KYNU: variants seen among roughly 807,000 people sequenced by gnomAD.
KYNU encodes L-kynurenine hydrolase.
In KYNU, 54 loss-of-function variants were observed where a neutral mutation model predicts 59.2. That is an observed-to-expected ratio of 0.91 (90% CI 0.73 to 1.14). The LOEUF (loss-of-function observed/expected upper bound fraction) is 1.14. KYNU is among the 50% of genes most tolerant of loss of function. The pLI, the probability that KYNU is intolerant of heterozygous loss-of-function variation, is 0.00. For synonymous variants in KYNU, 177 were observed against 192.0 expected (o/e 0.92, Z 0.65); for missense variants, 567 against 554.4 (o/e 1.02, Z -0.23).
chr2:142,977,391 A>ATATAT (rs1553484710), intron 8 of KYNU, among the ~76,000 whole-genome samples: 1 of 150,590 alleles, frequency 6.6e-6, no homozygotes, highest in Non-Finnish European at 1.5e-5. Flanking sequence ...ATATATGAAT[A>ATATAT]ATCATATTCA....
rs543305682 is a variant in KYNU, at chr2:143,035,654, G to A, written c.1041+2333G>A. 1.3e-3 allele frequency among the ~76,000 whole-genome samples: 192 copies of A among 152,246 alleles called. 1 individual carries two copies. Among genetic ancestry groups the A allele is most frequent in the Non-Finnish European group, 1.6e-3 (112 of 68,004 alleles). On this transcript the variant is annotated intron_variant, in intron 12 of 13. Coordinates refer to ENST00000264170, the MANE Select transcript of KYNU (RefSeq NM_003937.3). ...TGTTCAGACTGGAATGCAATAGTAC[G>A]ATCATGGCTTAGCATGGCCTCAAAC...
At chr2:142,962,173 A>G (rs1001910072) in intron 8 of KYNU, among the ~76,000 whole-genome samples, 15 of 152,340 alleles carry the variant, frequency 9.8e-5, no homozygotes, top group East Asian at 5.8e-4. Flanking sequence ...CTTCCTTAGT[A>G]TACACGTATG....
intron 8 of KYNU, among the ~76,000 whole-genome samples, chr2:142,972,791 C>CATATATATAT (rs72267912): frequency 6.6e-5 from 9 of 135,354 alleles, no homozygotes; most frequent in Admixed American, 1.5e-4. Flanking sequence ...AGACAGAGGC[C>CATATATATAT]ATATATATAT....
At position 142,899,201 on chromosome 2, in the gene KYNU, C is replaced by G. The variant is rs1220995323; in HGVS notation, c.169+13665C>G. 2.6e-5 allele frequency among the ~76,000 whole-genome samples: 4 copies of G among 152,086 alleles called. No individual in the cohort carries two copies. The East Asian group carries it at 7.7e-4, about 29-fold the overall frequency. ...ATTTAATAGAGTGAAAACAGAGCTC[C>G]CATACGATGGGAGGGGACCCAAAGG... On this transcript the variant is annotated intron_variant, in intron 2 of 13. Coordinates refer to ENST00000264170, the MANE Select transcript of KYNU (RefSeq NM_003937.3).
chr2:143,007,915 C>T (rs1415637679), intron 10 of KYNU, among the ~76,000 whole-genome samples: 1 of 114,374 alleles, frequency 8.7e-6, no homozygotes, highest in Admixed American at 8.4e-5. Context: ...AAGCGCTAAA[C>T]ATGGAAAGGA....
intron 2 of KYNU, among the ~76,000 whole-genome samples, chr2:142,916,575 G>A (rs1399681361): frequency 6.6e-6 from 1 of 152,132 alleles, no homozygotes; most frequent in Non-Finnish European, 1.5e-5. Flanking sequence ...AGCAAATGAT[G>A]CTGATCTGAA....
intron 1 of KYNU, 45 bp from the exon 2 acceptor site, chr2:142,885,304 A>C (rs1320782886): frequency 1.3e-6 from 2 of 1,526,746 alleles, no homozygotes; most frequent in African/African-American, 2.7e-5. Context: ...CATTTTCTAC[A>C]GGAAAATTAT....
At chr2:142,979,499 C>T (rs907388128) in intron 8 of KYNU, among the ~76,000 whole-genome samples, 2 of 152,108 alleles carry the variant, frequency 1.3e-5, no homozygotes, top group Non-Finnish European at 2.9e-5. Context: ...AAAGAATCTT[C>T]ACTCAAAGTT....
chr2:143,031,289 G>C (rs894005460), intron 11 of KYNU, among the ~76,000 whole-genome samples: 3 of 152,098 alleles, frequency 2.0e-5, no homozygotes, highest in Non-Finnish European at 4.4e-5. Context: ...CTTTTTCTGT[G>C]AAAGGCCAGA....
chr2:142,958,173 G>C (rs1048732902), intron 7 of KYNU: 2 of 168,204 alleles, frequency 1.2e-5, no homozygotes, highest in African/African-American at 2.4e-5. Context: ...GTGGAGAAAG[G>C]GATGTGGTAT....
In KYNU at chr2:142,981,891, C is replaced by T. The variant is rs539665334; in HGVS notation, c.730-3193C>T. Among the ~76,000 whole-genome samples the T allele has an allele frequency of 9.2e-5, 14 of 152,122 alleles. No homozygotes were observed. The South Asian group carries it at 2.7e-3, about 29-fold the overall frequency. On this transcript the variant is annotated intron_variant, in intron 8 of 13. Coordinates refer to ENST00000264170, the MANE Select transcript of KYNU (RefSeq NM_003937.3). Reference sequence around the variant, plus strand: ...AGCAAATATTTTAGGCTTTGTGGGCCATATGGTCCCTGTTGCAACAACTCA... The same window carrying T: ...AGCAAATATTTTAGGCTTTGTGGGCTATATGGTCCCTGTTGCAACAACTCA...
In KYNU at chr2:143,055,660, AAG is replaced by A. The variant is rs1687341122; in HGVS notation, c.*13489_*13490del. The A allele has an allele frequency of 6.6e-6, 1 of 151,996 alleles. No homozygotes were observed. Among genetic ancestry groups the A allele is most frequent in the Non-Finnish European group, 1.5e-5 (1 of 67,954 alleles). The allele number at this position is 151,996 out of a possible 1,614,324, so 9.4% of individuals were successfully genotyped here. ...GAAGGAAGGAAGGAAGGAAGGAAGG[AAG>A]GAAGGAAGGAAGGAAGGAAGGAAAG... On this transcript the variant is annotated 3_prime_UTR_variant, in exon 14 of 14. Transcript: ENST00000264170.
intron 4 of KYNU, among the ~76,000 whole-genome samples, chr2:142,949,311 A>G (rs1342396357): frequency 3.3e-5 from 5 of 152,166 alleles, no homozygotes; most frequent in African/African-American, 1.2e-4. Flanking sequence ...TCACAGCTCC[A>G]CTAGGTGGTG....
intron 10 of KYNU, among the ~76,000 whole-genome samples, chr2:142,996,480 T>C (rs1477273296): frequency 2.6e-5 from 4 of 152,132 alleles, no homozygotes; most frequent in South Asian, 2.1e-4. Context: ...ATTCAAAGCA[T>C]TGGGGATACA....
intron 7 of KYNU, among the ~76,000 whole-genome samples, chr2:142,959,708 C>T (rs1050378863): frequency 2.0e-5 from 3 of 152,148 alleles, no homozygotes; most frequent in African/African-American, 7.2e-5. Context: ...TAAATTCATT[C>T]ACAACCTTTA....
At chr2:143,034,638 C>T (rs561660950) in intron 12 of KYNU, among the ~76,000 whole-genome samples, 1 of 152,202 alleles carries the variant, frequency 6.6e-6, no homozygotes, top group East Asian at 1.9e-4. Context: ...GACACAGTAA[C>T]GAGATTTTTC....
At chr2:143,037,926 T>A (rs556088658) in intron 12 of KYNU, among the ~76,000 whole-genome samples, 143 of 152,276 alleles carry the variant, frequency 9.4e-4, no homozygotes, top group South Asian at 2.1e-3. Flanking sequence ...ATTGTGGTTG[T>A]AATGGAGAAA....
intron 4 of KYNU, among the ~76,000 whole-genome samples, chr2:142,942,119 G>C (rs1683619900): frequency 6.9e-6 from 1 of 144,412 alleles, no homozygotes. Flanking sequence ...TGAGGCTACA[G>C]TGAGCCATGA....
Position 143,033,444 on chromosome 2 carries a change from G to A in KYNU, c.1041+123G>A, listed in dbSNP as rs573751030. On this transcript the variant is annotated intron_variant, in intron 12 of 13. Coordinates refer to ENST00000264170, the MANE Select transcript of KYNU (RefSeq NM_003937.3). ...TACATGTGCACTGTGCATGAACAAG[G>A]GACAGAAGGCAGCATTCCCCTTTAG... The A allele has an allele frequency of 7.2e-5, 59 of 817,582 alleles. 1 individual carries two copies. In the South Asian group the frequency reaches 7.6e-4, roughly 10 times the overall value. 50.6% of individuals were successfully genotyped at this position (817,582 alleles called of 1,614,324 possible). A position where few individuals can be genotyped will look rare whatever the true frequency, so the allele number is the denominator to read the frequency against.
Sources: allele counts gnomAD v4.1 joint callset (sites outside exome capture counted in the v4.1 genomes callset), GRCh38; gene constraint gnomAD v4.1.1; transcripts MANE v1.5; gene names NCBI Gene and HGNC (gene_info 2026-07-23, HGNC 2026-07-21).